Variants in MMP26 observed in about 807,000 individuals in gnomAD.
MMP26 encodes the protein matrix metalloproteinase-26.
A neutral mutation model predicts 31.0 loss-of-function variants in MMP26; 33 were observed. The ratio of observed to expected loss-of-function variants is 1.06; its 90% CI spans 0.81 to 1.42. MMP26 has a LOEUF of 1.42. Among genes scored for constraint, MMP26 ranks in the 40% most tolerant of loss-of-function variants. MMP26 has a pLI of 0.00. For synonymous variants in MMP26, 122 were observed against 114.9 expected, an observed-to-expected ratio of 1.06 and a Z score of -0.40; for missense variants, 347 against 316.1, an observed-to-expected ratio of 1.10 and a Z score of -0.74.
chr11:4,841,751 G>A (rs574167811), intron 2 of MMP26, among the ~76,000 whole-genome samples: 2 of 152,204 alleles, frequency 1.3e-5, no homozygotes, highest in South Asian at 4.1e-4. Flanking sequence ...TGACCAACAT[G>A]GAGAAACCCC....
chr11:4,748,947 A>G (rs968788165), intron 1 of MMP26, among the ~76,000 whole-genome samples: 3 of 152,084 alleles, frequency 2.0e-5, no homozygotes, highest in African/African-American at 7.2e-5. Context: ...TAGTCAGAGC[A>G]ATCAGGCAAG....
chr11:4,770,451 A>G (rs902524434), intron 2 of MMP26, among the ~76,000 whole-genome samples: 3 of 152,166 alleles, frequency 2.0e-5, no homozygotes, highest in Non-Finnish European at 4.4e-5. Flanking sequence ...AACTTCAGAG[A>G]CTAGAATTAT....
At chr11:4,896,754 G>A (rs1318047970) in intron 2 of MMP26, among the ~76,000 whole-genome samples, 1 of 152,070 alleles carries the variant, frequency 6.6e-6, no homozygotes, top group African/African-American at 2.4e-5. Flanking sequence ...TAGCTAAATG[G>A]ATTTTTATCC....
chr11:4,991,289 G>C, intron 5 of MMP26, 82 bp from the exon 6 acceptor site: 1 of 1,501,648 alleles, frequency 6.7e-7, no homozygotes, highest in South Asian at 1.4e-5. Context: ...AGTATCCTAA[G>C]TCTCTGAGGC....
chr11:4,797,944 A>G (rs1457414124), intron 2 of MMP26, among the ~76,000 whole-genome samples: 1 of 152,208 alleles, frequency 6.6e-6, no homozygotes, highest in African/African-American at 2.4e-5. Context: ...GTAATCCAAA[A>G]GGTGCTACTT....
At chr11:4,956,811 T>C (rs1846450463) in intron 2 of MMP26, among the ~76,000 whole-genome samples, 1 of 152,202 alleles carries the variant, frequency 6.6e-6, no homozygotes. Context: ...GTAATAAGCC[T>C]TTAAGAATTT....
chr11:4,730,695 C>T (rs941676114), intron 1 of MMP26, among the ~76,000 whole-genome samples: 1 of 152,136 alleles, frequency 6.6e-6, no homozygotes, highest in African/African-American at 2.4e-5. Context: ...TAAGACATCC[C>T]TTAGAGAATC....
intron 1 of MMP26, among the ~76,000 whole-genome samples, chr11:4,745,279 CA>C (rs751419182): frequency 4.6e-5 from 7 of 152,124 alleles, no homozygotes; most frequent in Non-Finnish European, 1.0e-4. Context: ...TAATAAACAA[CA>C]AAGAAATATA....
chr11:4,724,645 A>T (rs938770941), intron 1 of MMP26, among the ~76,000 whole-genome samples: 2 of 152,264 alleles, frequency 1.3e-5, no homozygotes, highest in Non-Finnish European at 2.9e-5. Flanking sequence ...TGGTTCCTAC[A>T]CAAAAATCCC....
At position 4,882,195 on chromosome 11, in the gene MMP26, G is replaced by C. The variant is rs377286168; in HGVS notation, c.-144-105873G>C. The C allele has an allele frequency of 2.5e-6, 4 of 1,613,816 alleles. No individual in the cohort carries two copies. The African/African-American group carries it at 4.0e-5, about 16-fold the overall frequency. On this transcript the variant is annotated intron_variant, in intron 2 of 7. Coordinates refer to ENST00000380390, the MANE Select transcript of MMP26 (RefSeq NM_021801.5). ...GCCCGGGAGATCAGCTTTAAAGCTT[G>C]CTTCATTCAAATGTTCTTTGTGCAT...
chr11:4,934,337 T>C (rs1851400278), intron 2 of MMP26, among the ~76,000 whole-genome samples: 1 of 143,016 alleles, frequency 7.0e-6, no homozygotes, highest in African/African-American at 2.7e-5. Flanking sequence ...ATGATGAGCA[T>C]TTTTTCATGT....
intron 6 of MMP26, 106 bp from the exon 7 acceptor site, chr11:4,991,858 C>CT: frequency 9.2e-7 from 1 of 1,090,302 alleles, no homozygotes; most frequent in Non-Finnish European, 1.3e-6. Flanking sequence ...AACATTTGCC[C>CT]TTTCCTCGTT....
At chr11:4,746,863 A>G (rs568423379) in intron 1 of MMP26, among the ~76,000 whole-genome samples, 4 of 151,354 alleles carry the variant, frequency 2.6e-5, no homozygotes, top group African/African-American at 9.7e-5. Flanking sequence ...ACACACACAC[A>G]CACACACACA....
intron 2 of MMP26, chr11:4,908,151 A>C (rs369092388): frequency 3.1e-6 from 5 of 1,614,074 alleles, no homozygotes; most frequent in South Asian, 1.1e-5. Context: ...GCTGCCATGC[A>C]TCACTTTGCC....
intron 1 of MMP26, chr11:4,722,832 A>G (rs1589883567): frequency 1.1e-6 from 1 of 909,440 alleles, no homozygotes; most frequent in Non-Finnish European, 1.8e-6. Flanking sequence ...GGTGTGGCTG[A>G]AGGAGCTGGA....
intron 2 of MMP26, among the ~76,000 whole-genome samples, chr11:4,897,518 ATCTTTG>A (rs1850726747): frequency 2.0e-5 from 3 of 152,204 alleles, no homozygotes; most frequent in African/African-American, 7.2e-5. Context: ...TTTTATGACT[ATCTTTG>A]TCTTACTTAT....
At chr11:4,956,321 G>A (rs1050099042) in intron 2 of MMP26, among the ~76,000 whole-genome samples, 1 of 152,180 alleles carries the variant, frequency 6.6e-6, no homozygotes, top group Non-Finnish European at 1.5e-5. Context: ...GGGTCACAGA[G>A]TTCTCTGGGG....
In MMP26 at chr11:4,804,783, A is replaced by T. The variant is rs112315706; in HGVS notation, c.-145+37442A>T. On this transcript the variant is annotated intron_variant, in intron 2 of 7. Transcript: ENST00000380390. ...GACATAGTGGAACCCCTTTTCTATT[A>T]AAAATACAAAAACAAAACAAAACAA... is the stretch of plus-strand genomic sequence containing the variant. 5.1e-3 allele frequency among the ~76,000 whole-genome samples: 750 copies of T among 147,196 alleles called. 2 individuals carry two copies. Among genetic ancestry groups the T allele is most frequent in the Middle Eastern group, 0.011 (3 of 282 alleles).
rs377125808 is a variant in MMP26, at chr11:4,863,825, AT to A, written c.-145+96486del. On this transcript the variant is annotated intron_variant, in intron 2 of 7. Transcript: ENST00000380390. ...CTATCCCTTCCTAATTTCCCTAAGG[AT>A]TCTAAAAATTTCCTTTATCTGTCAG... Among the ~76,000 whole-genome samples, 99 of 152,256 alleles carry A rather than the reference AT, an allele frequency of 6.5e-4. 1 individual carries two copies. Among genetic ancestry groups the A allele is most frequent in the Middle Eastern group, 3.4e-3 (1 of 294 alleles).
Sources: gnomAD v4.1 joint callset for allele counts (sites outside exome capture counted in the v4.1 genomes callset) on GRCh38, gnomAD v4.1.1 for gene constraint, MANE v1.5 for transcripts, NCBI Gene and HGNC (gene_info 2026-07-23, HGNC 2026-07-21) for gene names.